The following ELMOD3 variants were observed in gnomAD, a reference collection of about 807,000 sequenced individuals.
ELMOD3 encodes ELMO domain containing 3, also known as ELMO domain-containing protein 3.
A neutral mutation model predicts 47.4 loss-of-function variants in ELMOD3; 36 were observed. The ratio of observed to expected loss-of-function variants is 0.76; its 90% CI spans 0.58 to 1.00. ELMOD3 has a LOEUF of 1.00. ELMOD3 is among the 50% of genes least tolerant of loss of function. The pLI is 0.00. For synonymous variants in ELMOD3, 149 were observed against 183.5 expected (o/e 0.81, Z 1.52); for missense variants, 404 against 463.8 (o/e 0.87, Z 1.18).
At chr2:85,379,111 C>T (rs1215826580) in intron 11 of ELMOD3, among the ~76,000 whole-genome samples, 1 of 152,058 alleles carries the variant, frequency 6.6e-6, no homozygotes, top group Non-Finnish European at 1.5e-5. Context: ...GTTTGCAGGG[C>T]TGTAAGAAAG....
intron 10 of ELMOD3, among the ~76,000 whole-genome samples, chr2:85,374,591 A>C (rs191889710): frequency 3.9e-5 from 6 of 151,972 alleles, no homozygotes; most frequent in Non-Finnish European, 4.4e-5. Flanking sequence ...ATCCACCTGC[A>C]TGAGCCTCCC....
At chr2:85,362,147 A>T in intron 4 of ELMOD3, 39 bp from the exon 5 acceptor site, 1 of 1,188,754 alleles carries the variant, frequency 8.4e-7, no homozygotes, top group Non-Finnish European at 1.3e-6. Flanking sequence ...TTGGGGGATT[A>T]ATATGTGCCT....
At position 85,363,164 on chromosome 2, in the gene ELMOD3, G is replaced by A. The variant is rs374954571; in HGVS notation, c.197G>A (p.Arg66His). 61 of 1,601,006 alleles carry A rather than the reference G, an allele frequency of 3.8e-5. No homozygotes were observed. In the Admixed American group the frequency reaches 8.0e-4, roughly 21 times the overall value. The change falls in exon 6 of 14, where the codon CGT becomes CAT. Residue 66 changes from arginine (R) to histidine (H), a missense_variant and splice_region_variant. Coordinates refer to ENST00000409013, the MANE Select transcript of ELMOD3 (RefSeq NM_001135022.2). ...ACAGAAGCTTATGAATGGGAGCCAC[G>A]TGGTAAGGTTCCCTTCAGGGCCCTT... ...LTTEAYEWEPRVVSTEVVRAQ... is the reference protein window; with the variant it reads ...LTTEAYEWEPHVVSTEVVRAQ...
At chr2:85,365,274 C>T (rs1684299975) in intron 6 of ELMOD3, among the ~76,000 whole-genome samples, 1 of 151,362 alleles carries the variant, frequency 6.6e-6, no homozygotes, top group African/African-American at 2.4e-5. Context: ...CACTTGAACC[C>T]GGGAGGCAGA....
Position 85,369,503 on chromosome 2 carries a change from G to A in ELMOD3, c.269-236G>A, listed in dbSNP as rs75561228. 4.5e-3 allele frequency among the ~76,000 whole-genome samples: 686 copies of A among 152,276 alleles called. 17 individuals are homozygous for A. The East Asian group carries it at 0.067, about 15-fold the overall frequency. ...AGGGATCACCTCGTGGGGCAGATCC[G>A]CCCCATACCCACCACAGAGGCTGAC... On this transcript the variant is annotated intron_variant, in intron 7 of 13. Coordinates refer to ENST00000409013, the MANE Select transcript of ELMOD3 (RefSeq NM_001135022.2).
Position 85,390,966 on chromosome 2 carries a change from C to A in ELMOD3, c.*4C>A. 1 of 1,549,682 alleles carries A rather than the reference C, an allele frequency of 6.5e-7. No individual in the cohort carries two copies. The highest frequency in any genetic ancestry group is 8.7e-7 in the Non-Finnish European group (1 of 1,145,566). ...CGAAGGCGTATGGCTGATCTGACCTCCGAGATGAATGGAGGCTTAAAGGCT... is the reference window on the plus strand; with the variant it reads ...CGAAGGCGTATGGCTGATCTGACCTACGAGATGAATGGAGGCTTAAAGGCT... On this transcript the variant is annotated 3_prime_UTR_variant, in exon 14 of 14. Coordinates refer to ENST00000409013, the MANE Select transcript of ELMOD3 (RefSeq NM_001135022.2).
intron 11 of ELMOD3, among the ~76,000 whole-genome samples, chr2:85,381,365 A>T (rs1170978485): frequency 1.3e-5 from 2 of 152,246 alleles, no homozygotes; most frequent in Non-Finnish European, 2.9e-5. Flanking sequence ...GAAAATCTCC[A>T]TTCCTTGAGA....
chr2:85,356,225 A>G (rs1018366234), intron 3 of ELMOD3: 1 of 152,274 alleles, frequency 6.6e-6, no homozygotes, highest in Non-Finnish European at 1.5e-5. Context: ...CTGATAACTG[A>G]GAAAGGTTAG....
rs988749760 is a variant in ELMOD3, at chr2:85,390,572, G to A, written c.944-188G>A. 8 of 1,549,448 alleles carry A rather than the reference G, an allele frequency of 5.2e-6. No homozygotes were observed. The African/African-American group carries it at 9.6e-5, about 19-fold the overall frequency. On this transcript the variant is annotated intron_variant, in intron 13 of 13. Transcript: ENST00000409013. ...ATTGTGCAGACAAGGTAGAGTGTGT[G>A]GTCCCTGTGGCTGTAGCTGGCTCCC...
chr2:85,361,269 G>T (rs1683936820), intron 4 of ELMOD3, among the ~76,000 whole-genome samples: 1 of 152,206 alleles, frequency 6.6e-6, no homozygotes. Context: ...ATAGGAAACT[G>T]CTTCACTAAA....
chr2:85,369,575 G>A (rs1043956058), intron 7 of ELMOD3, among the ~76,000 whole-genome samples, 164 bp from the exon 8 acceptor site: 4 of 152,164 alleles, frequency 2.6e-5, no homozygotes, highest in Admixed American at 6.5e-5. Flanking sequence ...CCTCTTCGCC[G>A]ACAATGCCAG....
intron 11 of ELMOD3, among the ~76,000 whole-genome samples, chr2:85,380,927 G>A (rs74832685): frequency 0.051 from 7,765 of 152,216 alleles, 223 homozygotes; most frequent in Non-Finnish European, 0.064. Context: ...TGAAGACCCA[G>A]TTGACAAGGA....
intron 5 of ELMOD3, 46 bp from the exon 6 acceptor site, chr2:85,363,051 G>T (rs1481472878): frequency 1.7e-6 from 2 of 1,182,070 alleles, no homozygotes; most frequent in Non-Finnish European, 2.5e-6. Flanking sequence ...TGTATATGGG[G>T]GTATGTGGAT....
chr2:85,390,846 T>C lies in ELMOD3; in HGVS notation c.1030T>C (p.Ser344Pro), dbSNP rs1169303685. The change falls in exon 14 of 14, where the codon TCC (serine) becomes CCC (proline). Residue 344 changes from serine to proline, a missense_variant. Ser to Pro is a moderately conservative substitution (Grantham distance 74, BLOSUM62 -1). Transcript: ENST00000409013. ...YLARVSKGQA[S>P]LLGAQKCYGP... ...GGCCAGGGTGTCAAAGGGACAGGCC[T>C]CCTTGTTGGGAGCACAGAAGTGCTA... 2.6e-6 allele frequency: 4 copies of C among 1,551,518 alleles called. No homozygotes were observed. The highest frequency in any genetic ancestry group is 3.5e-6 in the Non-Finnish European group (4 of 1,146,994).
chr2:85,362,053 G>T, intron 4 of ELMOD3, 133 bp from the exon 5 acceptor site: 1 of 630,030 alleles, frequency 1.6e-6, no homozygotes, highest in Non-Finnish European at 2.8e-6. Flanking sequence ...TGTGACCCAA[G>T]TTTCCCTATG....
chr2:85,363,090 T>C lies in ELMOD3; in HGVS notation c.130-7T>C, dbSNP rs752839595. 1 of 1,598,676 alleles carries C rather than the reference T, an allele frequency of 6.3e-7. No homozygotes were observed. Among genetic ancestry groups the C allele is most frequent in the South Asian group, 1.1e-5 (1 of 90,586 alleles). On this transcript the variant is annotated splice_region_variant and splice_polypyrimidine_tract_variant and intron_variant, in intron 5 of 13. Transcript: ENST00000409013. ...ATCCTCAAGCTAAAGGTCAGCTGCC[T>C]CTACAGATCTCAGAGTTGAAGAACC...
chr2:85,361,727 A>C (rs1245555830), intron 4 of ELMOD3, among the ~76,000 whole-genome samples: 1 of 152,134 alleles, frequency 6.6e-6, no homozygotes. Context: ...CAGGAGATCG[A>C]GACCATCCTG....
rs748169877 is a variant in ELMOD3, at chr2:85,371,174, G to T, written c.449G>T (p.Arg150Leu). 3 of 1,614,262 alleles carry T rather than the reference G, an allele frequency of 1.9e-6. No individual in the cohort carries two copies. Among genetic ancestry groups the T allele is most frequent in the Non-Finnish European group, 1.7e-6 (2 of 1,180,048 alleles). ...FGPPKLHQRL[R>L]EERDLVLTIA... is the part of the protein sequence containing the mutation. ...CCTCCAAAGCTCCACCAGCGCCTTC[G>T]GGAAGAAAGGGACTTGGTCCTGACC... Residue 150 changes from arginine to leucine, a missense_variant, in exon 9 of 14, where the codon CGG becomes CTG. Arg to Leu is a moderately radical substitution (Grantham distance 102). Transcript: ENST00000409013.
At chr2:85,379,919 G>A (rs1168372736) in intron 11 of ELMOD3, among the ~76,000 whole-genome samples, 3 of 152,156 alleles carry the variant, frequency 2.0e-5, no homozygotes, top group Admixed American at 6.5e-5. Flanking sequence ...TAAACCTGGG[G>A]CTCCTGGGCC....
Sources: allele counts gnomAD v4.1 joint callset (sites outside exome capture counted in the v4.1 genomes callset), GRCh38; gene constraint gnomAD v4.1.1; transcripts MANE v1.5; gene names NCBI Gene and HGNC (gene_info 2026-07-23, HGNC 2026-07-21).